LURAP1L: variants seen among roughly 807,000 people sequenced by gnomAD.
LURAP1L encodes the protein leucine rich adaptor protein 1-like.
LURAP1L carries 12 observed loss-of-function variants against 13.8 expected under a neutral mutation model. The observed-to-expected ratio is 0.87, with a 90% CI of 0.56 to 1.41. The LOEUF is 1.41. Ranked by LOEUF, LURAP1L falls within the 40% of genes most tolerant of loss-of-function variation. LURAP1L has a pLI of 0.00. For synonymous variants in LURAP1L, 139 were observed against 119.2 expected (o/e 1.17, Z -1.08); for missense variants, 375 against 292.9 (o/e 1.28, Z -2.04).
At chr9:12,810,441 AGTT>A (rs1819721276) in intron 1 of LURAP1L, among the ~76,000 whole-genome samples, 3 of 152,132 alleles carry the variant, frequency 2.0e-5, no homozygotes, top group African/African-American at 7.2e-5. Flanking sequence ...ACCTAAGCAT[AGTT>A]GTTGATTTCC....
rs76978484 is a variant in LURAP1L at position 12,822,144 on chromosome 9, C to A, written c.*384C>A. 1.8e-5 allele frequency: 3 copies of A among 171,308 alleles called. No individual in the cohort carries two copies. The highest frequency in any genetic ancestry group is 1.5e-4 in the South Asian group (1 of 6,488). 10.6% of individuals were successfully genotyped at this position (171,308 alleles called of 1,614,324 possible). On this transcript the variant is annotated 3_prime_UTR_variant, in exon 2 of 2. Coordinates refer to ENST00000319264, the MANE Select transcript of LURAP1L (RefSeq NM_203403.2). ...TGATAACAGTTAATGTTGCTGCTTG[C>A]GTCCTTAAATGACTTAAGGTTTCAT...
intron 1 of LURAP1L, among the ~76,000 whole-genome samples, chr9:12,795,730 T>G (rs902012770): frequency 1.1e-4 from 16 of 152,090 alleles, no homozygotes; most frequent in African/African-American, 3.1e-4. Flanking sequence ...AAAGTCGTCT[T>G]GTATTTTGGC....
intron 1 of LURAP1L, among the ~76,000 whole-genome samples, chr9:12,797,984 G>A (rs1207413931): frequency 6.6e-6 from 1 of 152,070 alleles, no homozygotes; most frequent in African/African-American, 2.4e-5. Context: ...AAAATGAACG[G>A]TAATTTAGAT....
At chr9:12,782,191 C>G (rs969794170) in intron 1 of LURAP1L, among the ~76,000 whole-genome samples, 3 of 152,220 alleles carry the variant, frequency 2.0e-5, no homozygotes, top group Non-Finnish European at 4.4e-5. Context: ...CAAATATTTT[C>G]TCCCATTTCA....
At chr9:12,788,657 A>G (rs1724275893) in intron 1 of LURAP1L, among the ~76,000 whole-genome samples, 1 of 152,042 alleles carries the variant, frequency 6.6e-6, no homozygotes, top group African/African-American at 2.4e-5. Context: ...TGGAACAGAG[A>G]GAATGGTTAT....
In LURAP1L at chr9:12,821,528, T is replaced by G. The variant is rs1225275365; in HGVS notation, c.455T>G (p.Leu152Trp). 1 of 1,614,106 alleles carries G rather than the reference T, an allele frequency of 6.2e-7. No individual in the cohort carries two copies. The highest frequency in any genetic ancestry group is 8.5e-7 in the Non-Finnish European group (1 of 1,180,024). The change falls in exon 2 of 2, where the codon TTG (leucine) becomes TGG (tryptophan). Residue 152 changes from leucine (L) to tryptophan (W), a missense_variant. By Grantham distance (61) the Leu-to-Trp change is moderately conservative. Transcript: ENST00000319264. ...AGCCTCAGTGGCAGCCTGTGCAGTT[T>G]GTTGGAGAGTCAGAGCACCTCCTTA... ...GSSLSGSLCS[L>W]LESQSTSLRG...
intron 1 of LURAP1L, among the ~76,000 whole-genome samples, chr9:12,803,135 T>C (rs573459579): frequency 6.6e-5 from 10 of 152,368 alleles, no homozygotes; most frequent in African/African-American, 2.4e-4. Context: ...GATTATTGGG[T>C]AGGATAGAAC....
chr9:12,815,931 A>C lies in LURAP1L; in HGVS notation c.313-5455A>C, dbSNP rs1373785711. Among the ~76,000 whole-genome samples, 2 of 152,228 alleles carry C rather than the reference A, an allele frequency of 1.3e-5. 1 individual carries two copies. The highest frequency in any genetic ancestry group is 1.3e-4 in the Admixed American group (2 of 15,280). ...GACAAAATTTCTGATAAAGTACCTC[A>C]AATTAACATCAAACCCAAACTTCTA... On this transcript the variant is annotated intron_variant, in intron 1 of 1. Coordinates refer to ENST00000319264, the MANE Select transcript of LURAP1L (RefSeq NM_203403.2).
intron 1 of LURAP1L, among the ~76,000 whole-genome samples, chr9:12,803,591 T>C (rs1432123036): frequency 2.0e-5 from 3 of 152,296 alleles, no homozygotes; most frequent in South Asian, 2.1e-4. Context: ...ATAAATTACA[T>C]CACATTCAAA....
At chr9:12,796,270 A>G (rs1417757853) in intron 1 of LURAP1L, among the ~76,000 whole-genome samples, 2 of 152,084 alleles carry the variant, frequency 1.3e-5, no homozygotes, top group Non-Finnish European at 2.9e-5. Context: ...TACATAAAAT[A>G]TAAAGAAGAG....
intron 1 of LURAP1L, among the ~76,000 whole-genome samples, chr9:12,794,218 A>G (rs756985866): frequency 7.9e-5 from 12 of 152,088 alleles, no homozygotes; most frequent in Non-Finnish European, 1.5e-4. Flanking sequence ...ATGTATTTCC[A>G]TGTATACTTT....
At chr9:12,808,641 C>T (rs979078538) in intron 1 of LURAP1L, among the ~76,000 whole-genome samples, 1 of 151,906 alleles carries the variant, frequency 6.6e-6, no homozygotes, top group Non-Finnish European at 1.5e-5. Context: ...GTTCTTTTTC[C>T]TCTAGCTTTT....
intron 1 of LURAP1L, among the ~76,000 whole-genome samples, chr9:12,787,423 A>T (rs1475863732): frequency 3.3e-5 from 5 of 152,178 alleles, no homozygotes; most frequent in Non-Finnish European, 7.4e-5. Context: ...AAAGGACACC[A>T]TTCAGAGAGA....
intron 1 of LURAP1L, among the ~76,000 whole-genome samples, chr9:12,788,187 G>GAAAGAAAGAAAT (rs374048758): frequency 1.5e-5 from 2 of 136,598 alleles, no homozygotes; most frequent in Non-Finnish European, 3.1e-5. Context: ...AAGAAAGAAA[G>GAAAGAAAGAAAT]AAAGAAAAGA....
chr9:12,803,028 C>T (rs1819608362), intron 1 of LURAP1L, among the ~76,000 whole-genome samples: 1 of 152,176 alleles, frequency 6.6e-6, no homozygotes, highest in Non-Finnish European at 1.5e-5. Flanking sequence ...CTCTCTGCTG[C>T]ATTACCACAT....
Position 12,775,474 on chromosome 9 carries a change from G to T in LURAP1L, c.-242G>T. 1 of 487,438 alleles carries T rather than the reference G, an allele frequency of 2.1e-6. No individual in the cohort carries two copies. The highest frequency in any genetic ancestry group is 3.5e-6 in the Non-Finnish European group (1 of 288,324). 30.2% of individuals were successfully genotyped at this position (487,438 alleles called of 1,614,324 possible). ...AAAAGAGAGAGAATGAGGAGATCTT[G>T]ATCATCTTAGTGTCGGAGGAGTCGC... On this transcript the variant is annotated 5_prime_UTR_variant, in exon 1 of 2. An upstream open reading frame in the 5' UTR loses its in-frame stop. Transcript: ENST00000319264.
intron 1 of LURAP1L, among the ~76,000 whole-genome samples, chr9:12,783,135 G>C (rs1443096573): frequency 6.6e-6 from 1 of 151,772 alleles, no homozygotes; most frequent in Non-Finnish European, 1.5e-5. Context: ...CCATATGTAA[G>C]ATTATATCAT....
At chr9:12,796,256 A>G (rs1188306461) in intron 1 of LURAP1L, among the ~76,000 whole-genome samples, 1 of 152,008 alleles carries the variant, frequency 6.6e-6, no homozygotes, top group Non-Finnish European at 1.5e-5. Context: ...TAAATATTTT[A>G]AAGTACATAA....
chr9:12,814,406 G>A (rs1819777595), intron 1 of LURAP1L: 2 of 152,180 alleles, frequency 1.3e-5, no homozygotes, highest in South Asian at 2.1e-4. Flanking sequence ...CTCGGCTCAG[G>A]TGATTTATAG....
Sources: allele counts gnomAD v4.1 joint callset (sites outside exome capture counted in the v4.1 genomes callset), GRCh38; gene constraint gnomAD v4.1.1; transcripts MANE v1.5; gene names NCBI Gene and HGNC (gene_info 2026-07-23, HGNC 2026-07-21).